ST3GAL4: variants seen among roughly 807,000 people sequenced by gnomAD.
ST3GAL4 encodes the protein CMP-N-acetylneuraminate-beta-galactosamide-alpha-2,3-sialyltransferase 4.
A neutral mutation model predicts 42.6 loss-of-function variants in ST3GAL4; 24 were observed. The observed-to-expected ratio is 0.56, with a 90% CI of 0.41 to 0.79. ST3GAL4 has a LOEUF of 0.79. Ranked by LOEUF, ST3GAL4 falls within the 30% of genes least tolerant of loss-of-function variation. ST3GAL4 has a pLI of 0.00. For missense variants in ST3GAL4, 311 were observed against 430.8 expected, an observed-to-expected ratio of 0.72 and a Z score of 2.46; for synonymous variants, 135 against 163.2, an observed-to-expected ratio of 0.83 and a Z score of 1.32.
At chr11:126,387,325 T>C (rs996804638) in intron 1 of ST3GAL4, among the ~76,000 whole-genome samples, 5 of 152,246 alleles carry the variant, frequency 3.3e-5, no homozygotes, top group African/African-American at 1.2e-4. Context: ...ATATTTTTTT[T>C]CTTCCTCCTT....
At chr11:126,403,571 G>T (rs867574472) in intron 1 of ST3GAL4, 3 of 437,186 alleles carry the variant, frequency 6.9e-6, no homozygotes, top group Admixed American at 1.3e-4. Flanking sequence ...GGAGAGTGGG[G>T]CCTAGACTTT....
Position 126,376,770 on chromosome 11 carries a change from C to T in ST3GAL4, c.-61+20928C>T, listed in dbSNP as rs1273665962. The T allele has an allele frequency of 6.6e-6, 1 of 152,174 alleles. No homozygotes were observed. Among genetic ancestry groups the T allele is most frequent in the Admixed American group, 6.5e-5 (1 of 15,270 alleles). 9.4% of individuals were successfully genotyped at this position (152,174 alleles called of 1,614,324 possible). A position where few individuals can be genotyped will look rare whatever the true frequency, so the allele number is the denominator to read the frequency against. Reference sequence around the variant, plus strand: ...ACAGTATTACTCTCTGTTACCACCACCAATGTAGTCACTGGGACAAAGAGT... The same window carrying T: ...ACAGTATTACTCTCTGTTACCACCATCAATGTAGTCACTGGGACAAAGAGT... On this transcript the variant is annotated intron_variant, in intron 1 of 10. Coordinates refer to ENST00000444328, the MANE Select transcript of ST3GAL4 (RefSeq NM_001254757.2). This position sits in a 1 kb window ranked among gnomAD's most constrained non-coding sequence, Gnocchi z 5.1.
chr11:126,367,434 G>T (rs1046117587), intron 1 of ST3GAL4, among the ~76,000 whole-genome samples: 3 of 152,174 alleles, frequency 2.0e-5, no homozygotes, highest in Non-Finnish European at 4.4e-5. Context: ...TGGGGGCAGT[G>T]GCTGAGGACC....
At chr11:126,372,734 C>G (rs1952703474) in intron 1 of ST3GAL4, among the ~76,000 whole-genome samples, 1 of 152,136 alleles carries the variant, frequency 6.6e-6, no homozygotes, top group South Asian at 2.1e-4. Context: ...TTTTATACAG[C>G]AAAACTCCAT....
rs1952174728 is a variant in ST3GAL4 at position 126,359,499 on chromosome 11, C to G, written c.-61+3657C>G. On this transcript the variant is annotated intron_variant, in intron 1 of 10. Transcript: ENST00000444328. The surrounding 1 kb of genome is among the most constrained non-coding windows in gnomAD (Gnocchi z 4.8). ...AAAACCTTCACTTTTCAGCCCAGTTCTCAACTGCCCCCTGGAGTTTGCTCA... is the reference window on the plus strand; with the variant it reads ...AAAACCTTCACTTTTCAGCCCAGTTGTCAACTGCCCCCTGGAGTTTGCTCA... Among the ~76,000 whole-genome samples, 1 of 152,184 alleles carries G rather than the reference C, an allele frequency of 6.6e-6. No homozygotes were observed. Among genetic ancestry groups the G allele is most frequent in the Admixed American group, 6.5e-5 (1 of 15,278 alleles).
intron 6 of ST3GAL4, 41 bp downstream of exon 6, chr11:126,407,675 A>G (rs11220480): frequency 0.21 from 343,661 of 1,605,044 alleles, 38,979 homozygotes; most frequent in African/African-American, 0.25. Flanking sequence ...ACCTTCTCCT[A>G]TTTCCTGCCC....
chr11:126,379,000 T>C lies in ST3GAL4; in HGVS notation c.-61+23158T>C, dbSNP rs1952910818. Among the ~76,000 whole-genome samples, 1 of 152,200 alleles carries C rather than the reference T, an allele frequency of 6.6e-6. No individual in the cohort carries two copies. The highest frequency in any genetic ancestry group is 1.5e-5 in the Non-Finnish European group (1 of 68,040). ...TCTGTGCGTAGAGATAAGTTACCAT[T>C]AATGACATCAATCGTAGTTGTAGGC... On this transcript the variant is annotated intron_variant, in intron 1 of 10. Coordinates refer to ENST00000444328, the MANE Select transcript of ST3GAL4 (RefSeq NM_001254757.2). The surrounding 1 kb of genome is among the most constrained non-coding windows in gnomAD (Gnocchi z 5.3).
rs181171827 is a variant in ST3GAL4 at position 126,384,969 on chromosome 11, T to C, written c.-60-21127T>C. 1.1e-6 allele frequency: 1 copy of C among 948,604 alleles called. No homozygotes were observed. Among genetic ancestry groups the C allele is most frequent in the East Asian group, 1.2e-4 (1 of 8,638 alleles). The allele number at this position is 948,604 out of a possible 1,614,324, so 58.8% of individuals were successfully genotyped here. On this transcript the variant is annotated intron_variant, in intron 1 of 10. Coordinates refer to ENST00000444328, the MANE Select transcript of ST3GAL4 (RefSeq NM_001254757.2). The surrounding 1 kb of genome is among the most constrained non-coding windows in gnomAD (Gnocchi z 5.5). ...CTGGGAAGGGAGGACCAGGTGTCGCTGGCACCTTCCACGTCCTGAGTGCTT... is the reference window on the plus strand; with the variant it reads ...CTGGGAAGGGAGGACCAGGTGTCGCCGGCACCTTCCACGTCCTGAGTGCTT...
At chr11:126,375,482 G>T (rs56710099) in intron 1 of ST3GAL4, among the ~76,000 whole-genome samples, 1 of 152,024 alleles carries the variant, frequency 6.6e-6, no homozygotes, top group East Asian at 1.9e-4. Context: ...TAGGATGTGG[G>T]GGTTCTGGCT....
chr11:126,374,115 GGT>G (rs999302191), intron 1 of ST3GAL4, among the ~76,000 whole-genome samples: 27 of 151,884 alleles, frequency 1.8e-4, no homozygotes, highest in African/African-American at 6.3e-4. Context: ...TGCAGTGTTG[GGT>G]GTGTGGAGTT....
intron 1 of ST3GAL4, among the ~76,000 whole-genome samples, chr11:126,356,573 G>A (rs1015176451): frequency 7.9e-5 from 12 of 152,252 alleles, no homozygotes; most frequent in Non-Finnish European, 1.5e-4. Flanking sequence ...TGGGCAGCTT[G>A]AGGCCTGACC....
chr11:126,364,109 G>A (rs1051923113), intron 1 of ST3GAL4, among the ~76,000 whole-genome samples: 1 of 152,250 alleles, frequency 6.6e-6, no homozygotes, highest in African/African-American at 2.4e-5. Flanking sequence ...CCTGCCCGGA[G>A]TCCCAACCCT....
In ST3GAL4 at chr11:126,409,514, CG is replaced by C; in HGVS notation, c.771+105del. ...CCCTGGAAGGATCCCATAACAGAGG[CG>C]GCGGTTTGCATTTTCCCTCCAGGAA... On this transcript the variant is annotated intron_variant, in intron 9 of 10. Coordinates refer to ENST00000444328, the MANE Select transcript of ST3GAL4 (RefSeq NM_001254757.2). The surrounding 1 kb of genome is among the most constrained non-coding windows in gnomAD (Gnocchi z 4.9). 6.7e-7 allele frequency: 1 copy of C among 1,499,744 alleles called. No homozygotes were observed. The highest frequency in any genetic ancestry group is 1.4e-5 in the African/African-American group (1 of 72,166). The allele number at this position is 1,499,744 out of a possible 1,614,324, so 92.9% of individuals were successfully genotyped here. A position where few individuals can be genotyped will look rare whatever the true frequency, so the allele number is the denominator to read the frequency against.
chr11:126,413,370 C>G (rs938933577), intron 9 of ST3GAL4, 135 bp from the exon 10 acceptor site: 1 of 1,100,410 alleles, frequency 9.1e-7, no homozygotes, highest in Non-Finnish European at 1.3e-6. Flanking sequence ...CTCGTTAGCT[C>G]GTGGCTTGTC....
chr11:126,368,381 C>T (rs1335265109), intron 1 of ST3GAL4, among the ~76,000 whole-genome samples: 1 of 152,144 alleles, frequency 6.6e-6, no homozygotes, highest in East Asian at 1.9e-4. Flanking sequence ...CCAAGTCAGT[C>T]ACCTGCTCGC....
chr11:126,362,051 T>G (rs1163734275), intron 1 of ST3GAL4, among the ~76,000 whole-genome samples: 1 of 151,386 alleles, frequency 6.6e-6, no homozygotes, highest in Non-Finnish European at 1.5e-5. Context: ...CTGGCTAATT[T>G]TTGTACTTTT....
intron 1 of ST3GAL4, among the ~76,000 whole-genome samples, chr11:126,380,078 A>G (rs1952941532): frequency 6.6e-6 from 1 of 151,818 alleles, no homozygotes; most frequent in Non-Finnish European, 1.5e-5. Flanking sequence ...CCTGGCCAAC[A>G]TGGTGAAACC....
rs546201533 is a variant in ST3GAL4, at chr11:126,397,122, G to A, written c.-60-8974G>A. Among the ~76,000 whole-genome samples, 40 of 152,064 alleles carry A rather than the reference G, an allele frequency of 2.6e-4. No homozygotes were observed. The highest frequency in any genetic ancestry group is 4.1e-4 in the South Asian group (2 of 4,826). On this transcript the variant is annotated intron_variant, in intron 1 of 10. Transcript: ENST00000444328. This position sits in a 1 kb window ranked among gnomAD's most constrained non-coding sequence, Gnocchi z 5.0. The stretch of plus-strand genomic sequence containing the variant: ...GAGATCCTGGTTTCGCGTTTTGAGC[G>A]TGCAGTACATTTCAGTTGTTAGTGG...
In ST3GAL4 at chr11:126,396,205, G is replaced by A. The variant is rs542069033; in HGVS notation, c.-60-9891G>A. The stretch of plus-strand genomic sequence containing the variant: ...GAGTCCCCTCTAGAACGTGGGCAGC[G>A]GACACTAAGCCGAGAGGAATCGCTG... On this transcript the variant is annotated intron_variant, in intron 1 of 10. Coordinates refer to ENST00000444328, the MANE Select transcript of ST3GAL4 (RefSeq NM_001254757.2). The surrounding 1 kb of genome is among the most constrained non-coding windows in gnomAD (Gnocchi z 5.8). 1.3e-5 allele frequency among the ~76,000 whole-genome samples: 2 copies of A among 152,040 alleles called. No homozygotes were observed. The highest frequency in any genetic ancestry group is 2.1e-4 in the South Asian group (1 of 4,806).
Sources: gnomAD v4.1 joint callset for allele counts (sites outside exome capture counted in the v4.1 genomes callset) on GRCh38, gnomAD v4.1.1 for gene constraint, Gnocchi (gnomAD v3.1) non-coding constraint, MANE v1.5 for transcripts, NCBI Gene and HGNC (gene_info 2026-07-23, HGNC 2026-07-21) for gene names.